CDK14: variants seen among roughly 807,000 people sequenced by gnomAD.
The protein encoded by CDK14 is cyclin-dependent kinase 14.
Under a neutral mutation model 60.7 loss-of-function variants are expected in CDK14, and 34 were observed. That is an observed-to-expected ratio of 0.56 (90% CI 0.43 to 0.75). The LOEUF (loss-of-function observed/expected upper bound fraction) is 0.75, where lower values mean the gene tolerates loss of function less well. CDK14 is among the 30% of genes least tolerant of loss of function. CDK14 has a pLI of 0.00. For synonymous variants in CDK14, 197 were observed against 203.7 expected (o/e 0.97, Z 0.28); for missense variants, 482 against 564.1 (o/e 0.85, Z 1.47).
intron 3 of CDK14, among the ~76,000 whole-genome samples, chr7:90,733,572 A>G (rs547689113): frequency 6.6e-6 from 1 of 152,256 alleles, no homozygotes; most frequent in South Asian, 2.1e-4. Flanking sequence ...ACCATTAGTA[A>G]TGTCCTTCTT....
At chr7:91,010,984 T>C (rs1185485304) in intron 10 of CDK14, among the ~76,000 whole-genome samples, 3 of 151,812 alleles carry the variant, frequency 2.0e-5, no homozygotes, top group African/African-American at 7.3e-5. Context: ...AAGCATTCCA[T>C]CTTTAACTAC....
intron 6 of CDK14, among the ~76,000 whole-genome samples, chr7:90,891,020 G>C (rs1235865544): frequency 6.6e-6 from 1 of 152,154 alleles, no homozygotes; most frequent in African/African-American, 2.4e-5. Flanking sequence ...GATGACATTG[G>C]CCAGTGGGAA....
chr7:91,161,890 C>T (rs1020370773), intron 14 of CDK14, among the ~76,000 whole-genome samples: 2 of 152,098 alleles, frequency 1.3e-5, no homozygotes, highest in African/African-American at 4.8e-5. Flanking sequence ...TCAATAATTT[C>T]TAATAAAGTT....
intron 2 of CDK14, among the ~76,000 whole-genome samples, chr7:90,656,947 C>G (rs1800765202): frequency 6.6e-6 from 1 of 152,160 alleles, no homozygotes; most frequent in African/African-American, 2.4e-5. Flanking sequence ...TGACACATCT[C>G]ACTGCCTTTT....
chr7:91,058,032 C>G (rs1462515475), intron 11 of CDK14, among the ~76,000 whole-genome samples: 1 of 151,908 alleles, frequency 6.6e-6, no homozygotes, highest in Admixed American at 6.6e-5. Context: ...TTCTTCCTAC[C>G]CATGAGCATG....
chr7:90,835,005 G>C (rs1168394607), intron 5 of CDK14, among the ~76,000 whole-genome samples: 2 of 152,160 alleles, frequency 1.3e-5, no homozygotes, highest in Non-Finnish European at 2.9e-5. Flanking sequence ...ACAGAAAAGA[G>C]GGCTCAAGTC....
intron 8 of CDK14, among the ~76,000 whole-genome samples, chr7:90,938,564 G>T (rs1354812695): frequency 1.3e-5 from 2 of 152,128 alleles, no homozygotes; most frequent in Non-Finnish European, 1.5e-5. Context: ...GGAGCTACAT[G>T]AAGTCAATAA....
At chr7:91,064,081 T>A (rs1797896006) in intron 11 of CDK14, among the ~76,000 whole-genome samples, 1 of 152,184 alleles carries the variant, frequency 6.6e-6, no homozygotes, top group East Asian at 1.9e-4. Context: ...TGTTTATCAT[T>A]CCCTGTAAAC....
chr7:90,705,668 G>T (rs1801882024), intron 2 of CDK14, among the ~76,000 whole-genome samples: 2 of 149,896 alleles, frequency 1.3e-5, no homozygotes, highest in Admixed American at 6.7e-5. Flanking sequence ...GCCCAATACG[G>T]GGATGGCTGA....
At chr7:91,033,079 A>G (rs1796810184) in intron 10 of CDK14, among the ~76,000 whole-genome samples, 1 of 152,186 alleles carries the variant, frequency 6.6e-6, no homozygotes, top group East Asian at 1.9e-4. Context: ...CATACGCGTG[A>G]GGATTTTCAT....
intron 10 of CDK14, among the ~76,000 whole-genome samples, chr7:91,013,847 G>T (rs1796232281): frequency 1.3e-5 from 2 of 151,902 alleles, no homozygotes. Flanking sequence ...CTTTGCACAG[G>T]AGGGAATTCT....
chr7:90,847,727 C>T (rs1239799255), intron 5 of CDK14, among the ~76,000 whole-genome samples: 1 of 152,092 alleles, frequency 6.6e-6, no homozygotes, highest in East Asian at 1.9e-4. Flanking sequence ...TTATTTAACA[C>T]AATAAATGAC....
intron 3 of CDK14, among the ~76,000 whole-genome samples, chr7:90,737,136 A>T (rs552804511): frequency 1.3e-5 from 2 of 152,110 alleles, no homozygotes; most frequent in African/African-American, 4.8e-5. Flanking sequence ...TCCCTCCCCT[A>T]TTCCTGCCAC....
At chr7:91,005,326 C>G (rs1795950261) in intron 10 of CDK14, among the ~76,000 whole-genome samples, 1 of 152,232 alleles carries the variant, frequency 6.6e-6, no homozygotes, top group Non-Finnish European at 1.5e-5. Context: ...GATCAAGATC[C>G]TTCCTCGTTC....
chr7:90,976,197 A>G (rs996630436), intron 9 of CDK14, among the ~76,000 whole-genome samples: 6 of 151,876 alleles, frequency 4.0e-5, no homozygotes, highest in African/African-American at 1.5e-4. Context: ...GTTATTTTTT[A>G]TCTTTTTCTT....
chr7:91,027,809 T>C (rs13307518), intron 10 of CDK14, among the ~76,000 whole-genome samples: 1 of 1,618 alleles, frequency 6.2e-4, no homozygotes, highest in Non-Finnish European at 1.1e-3. Context: ...CCCCTCCCCT[T>C]CCCTCTCCTC....
At chr7:91,007,251 T>G (rs2115787955) in intron 10 of CDK14, among the ~76,000 whole-genome samples, 1 of 152,304 alleles carries the variant, frequency 6.6e-6, no homozygotes, top group South Asian at 2.1e-4. Context: ...GAGTTAACAT[T>G]TTTGTTCAAC....
At chr7:91,190,712 A>G (rs1178529119) in intron 14 of CDK14, among the ~76,000 whole-genome samples, 2 of 152,010 alleles carry the variant, frequency 1.3e-5, no homozygotes, top group East Asian at 3.9e-4. Context: ...CTGGTCTCAA[A>G]CTCCTGACCT....
At chr7:91,204,481 T>A (rs1802821804) in intron 14 of CDK14, among the ~76,000 whole-genome samples, 1 of 151,672 alleles carries the variant, frequency 6.6e-6, no homozygotes, top group African/African-American at 2.4e-5. Context: ...GTTAACAGAG[T>A]GAAAAGGCAA....
Sources: gnomAD v4.1 joint callset for allele counts (sites outside exome capture counted in the v4.1 genomes callset) on GRCh38, gnomAD v4.1.1 for gene constraint, MANE v1.5 for transcripts, NCBI Gene and HGNC (gene_info 2026-07-23, HGNC 2026-07-21) for gene names.